The following RCOR1 variants were observed in gnomAD, a reference collection of about 807,000 sequenced individuals.
The protein encoded by RCOR1 is REST corepressor.
In RCOR1, 12 loss-of-function variants were observed where a neutral mutation model predicts 64.0. That is an observed-to-expected ratio of 0.19 (90% CI 0.12 to 0.30). The LOEUF (loss-of-function observed/expected upper bound fraction) is 0.30, where lower values mean the gene tolerates loss of function less well. Among genes scored for constraint, RCOR1 ranks in the 10% least tolerant of loss-of-function variants. RCOR1 has a pLI of 1.00. For synonymous variants in RCOR1, 279 were observed against 227.2 expected (o/e 1.23, Z -2.05); for missense variants, 502 against 621.2 (o/e 0.81, Z 2.04).
At chr14:102,726,044 G>GTAATCCCACA (rs1423260261) in intron 11 of RCOR1, among the ~76,000 whole-genome samples, 1 of 152,126 alleles carries the variant, frequency 6.6e-6, no homozygotes, top group East Asian at 1.9e-4. Context: ...TAAGAACATG[G>GTAATCCCACA]TGGGCTGGGC....
chr14:102,657,214 G>A, intron 2 of RCOR1: 1 of 985,218 alleles, frequency 1.0e-6, no homozygotes, highest in Non-Finnish European at 1.2e-6. Flanking sequence ...GCCTCACGGT[G>A]CTGGATATGG....
At chr14:102,666,621 AT>A (rs1894920658) in intron 2 of RCOR1, among the ~76,000 whole-genome samples, 1 of 151,954 alleles carries the variant, frequency 6.6e-6, no homozygotes, top group Non-Finnish European at 1.5e-5. Flanking sequence ...GTTTCTCAAG[AT>A]TTTTCTTGTT....
chr14:102,721,220 G>T, intron 9 of RCOR1, 100 bp from the exon 10 acceptor site: 2 of 1,212,380 alleles, frequency 1.6e-6, no homozygotes, highest in Non-Finnish European at 2.4e-6. Flanking sequence ...CCCAGTTGAT[G>T]TTAAAATTCC....
In RCOR1 at chr14:102,592,732, C is replaced by T. The variant is rs903221034; in HGVS notation, c.-155C>T. 21 of 1,223,334 alleles carry T rather than the reference C, an allele frequency of 1.7e-5. No homozygotes were observed. In the African/African-American group the frequency reaches 2.8e-4, roughly 16 times the overall value. The allele number at this position is 1,223,334 out of a possible 1,614,324, so 75.8% of individuals were successfully genotyped here. A position where few individuals can be genotyped will look rare whatever the true frequency, so the allele number is the denominator to read the frequency against. ...GGGCTTGAAGCGGCTCCGCGCTCTG[C>T]CCGTTTGGGCCTCCCCCGACTCGGA... On this transcript the variant is annotated 5_prime_UTR_variant, in exon 1 of 12. Transcript: ENST00000262241.
intron 2 of RCOR1, among the ~76,000 whole-genome samples, chr14:102,675,876 G>A (rs1595224339): frequency 6.6e-6 from 1 of 152,086 alleles, no homozygotes; most frequent in African/African-American, 2.4e-5. Flanking sequence ...AACTTGTACT[G>A]GCTTCTTTCA....
chr14:102,671,474 C>G (rs925858714), intron 2 of RCOR1, among the ~76,000 whole-genome samples: 1 of 152,202 alleles, frequency 6.6e-6, no homozygotes, highest in African/African-American at 2.4e-5. Flanking sequence ...TAGCTCACTA[C>G]AGCCTTGAAC....
intron 6 of RCOR1, among the ~76,000 whole-genome samples, chr14:102,710,186 G>A (rs1200042974): frequency 2.6e-5 from 4 of 152,214 alleles, no homozygotes. Flanking sequence ...CGCGTAGTGG[G>A]CATGGTCCCG....
chr14:102,702,313 T>A (rs1895770533), intron 4 of RCOR1, among the ~76,000 whole-genome samples: 1 of 152,034 alleles, frequency 6.6e-6, no homozygotes, highest in East Asian at 1.9e-4. Flanking sequence ...GTCTTGATCA[T>A]TTCTCCTTTA....
intron 4 of RCOR1, 66 bp from the exon 5 acceptor site, chr14:102,707,283 TGC>T: frequency 1.5e-6 from 2 of 1,365,262 alleles, no homozygotes; most frequent in Non-Finnish European, 2.0e-6. Flanking sequence ...ACTTTTCTTT[TGC>T]TGGTCTCATT....
At chr14:102,702,084 A>G (rs1157072022) in intron 4 of RCOR1, among the ~76,000 whole-genome samples, 1 of 152,224 alleles carries the variant, frequency 6.6e-6, no homozygotes, top group Non-Finnish European at 1.5e-5. Flanking sequence ...TAAACACATC[A>G]AGTTGGATTA....
At chr14:102,682,088 G>A (rs1895316984) in intron 3 of RCOR1, 110 bp downstream of exon 3, 1 of 637,632 alleles carries the variant, frequency 1.6e-6, no homozygotes, top group African/African-American at 1.8e-5. Flanking sequence ...TCTATTTTAA[G>A]ATAAATAATT....
chr14:102,696,050 G>A (rs1027557997), intron 3 of RCOR1, among the ~76,000 whole-genome samples: 1 of 151,936 alleles, frequency 6.6e-6, no homozygotes, highest in Non-Finnish European at 1.5e-5. Context: ...GTTTCTGCTT[G>A]TCAGTATAGA....
intron 2 of RCOR1, chr14:102,651,164 A>G (rs1253847331): frequency 1.7e-6 from 1 of 593,306 alleles, no homozygotes; most frequent in Non-Finnish European, 2.1e-6. Flanking sequence ...CGCTAGAGGA[A>G]TTAAAGACAC....
intron 2 of RCOR1, chr14:102,659,049 T>C: frequency 1.2e-6 from 1 of 833,270 alleles, no homozygotes; most frequent in Non-Finnish European, 1.4e-6. Context: ...TAGAGGGGAG[T>C]GGGGAATATT....
At chr14:102,647,238 C>T (rs1037859710) in intron 2 of RCOR1, among the ~76,000 whole-genome samples, 1 of 152,188 alleles carries the variant, frequency 6.6e-6, no homozygotes, top group Admixed American at 6.5e-5. Flanking sequence ...CAGCAGTGGA[C>T]TGAGAATCTG....
At chr14:102,614,469 C>T (rs1406308454) in intron 2 of RCOR1, among the ~76,000 whole-genome samples, 1 of 151,950 alleles carries the variant, frequency 6.6e-6, no homozygotes. Flanking sequence ...CGTGATCCGC[C>T]CGCCTCGGCC....
chr14:102,599,286 G>T (rs1390846917), intron 2 of RCOR1, among the ~76,000 whole-genome samples: 1 of 151,996 alleles, frequency 6.6e-6, no homozygotes, highest in East Asian at 1.9e-4. Context: ...CCACGACCAT[G>T]CCTGACTAGT....
intron 2 of RCOR1, among the ~76,000 whole-genome samples, chr14:102,617,781 G>A (rs1223290207): frequency 6.6e-6 from 1 of 151,342 alleles, no homozygotes; most frequent in African/African-American, 2.4e-5. Flanking sequence ...GTAGAGACGG[G>A]GTTTCACCAT....
Position 102,601,275 on chromosome 14 carries a change from A to G in RCOR1, c.361+7950A>G, listed in dbSNP as rs542370583. On this transcript the variant is annotated intron_variant, in intron 2 of 11. Coordinates refer to ENST00000262241, the MANE Select transcript of RCOR1 (RefSeq NM_015156.4). The stretch of plus-strand genomic sequence containing the variant: ...TGATTGACCCGCCTTGGCCTCCCAA[A>G]GTGCTGGGATTACAGGCTTGAGCCA... Among the ~76,000 whole-genome samples, 291 of 152,206 alleles carry G rather than the reference A, an allele frequency of 1.9e-3. 8 individuals carry two copies. In the East Asian group the frequency reaches 0.05, roughly 26 times the overall value.
Sources: gnomAD v4.1 joint callset for allele counts (sites outside exome capture counted in the v4.1 genomes callset) on GRCh38, gnomAD v4.1.1 for gene constraint, MANE v1.5 for transcripts, NCBI Gene and HGNC (gene_info 2026-07-23, HGNC 2026-07-21) for gene names.